PDZRN4: variants seen among roughly 807,000 people sequenced by gnomAD.
The protein encoded by PDZRN4 is PDZ domain containing ring finger 4, also known as PDZ domain-containing RING finger protein 4.
In PDZRN4, 70 loss-of-function variants were observed where a neutral mutation model predicts 99.0. The ratio of observed to expected loss-of-function variants is 0.71; its 90% CI spans 0.58 to 0.86. The LOEUF is 0.86. PDZRN4 is among the 40% of genes least tolerant of loss of function. PDZRN4 has a pLI of 0.00. For missense variants in PDZRN4, 1,474 were observed against 1,331.2 expected (o/e 1.11, Z -1.67); for synonymous variants, 551 against 501.6 (o/e 1.10, Z -1.32).
chr12:41,303,356 G>A (rs766101544), intron 3 of PDZRN4, among the ~76,000 whole-genome samples: 1 of 152,170 alleles, frequency 6.6e-6, no homozygotes, highest in South Asian at 2.1e-4. Context: ...CTAGCCTGTG[G>A]TTTGATCACA....
intron 3 of PDZRN4, among the ~76,000 whole-genome samples, chr12:41,288,016 G>A (rs1291054019): frequency 6.6e-6 from 1 of 152,164 alleles, no homozygotes; most frequent in East Asian, 1.9e-4. Context: ...ACAGCTGTCA[G>A]CAATAATACT....
chr12:41,399,172 T>C (rs2121136801), intron 3 of PDZRN4, among the ~76,000 whole-genome samples: 1 of 152,238 alleles, frequency 6.6e-6, no homozygotes, highest in South Asian at 2.1e-4. Flanking sequence ...AATTCATTAA[T>C]TATTTTTAAT....
At chr12:41,343,698 G>A (rs549217492) in intron 3 of PDZRN4, among the ~76,000 whole-genome samples, 19 of 148,170 alleles carry the variant, frequency 1.3e-4, no homozygotes, top group Non-Finnish European at 2.7e-4. Context: ...TTATCAGTAA[G>A]TATTGTATAT....
chr12:41,189,677 A>G (rs537068044), intron 1 of PDZRN4, among the ~76,000 whole-genome samples: 1 of 152,308 alleles, frequency 6.6e-6, no homozygotes, highest in Non-Finnish European at 1.5e-5. Context: ...GGACAGCCTC[A>G]GGAGTTGAGA....
chr12:41,284,084 T>C (rs1283025393), intron 3 of PDZRN4, among the ~76,000 whole-genome samples: 1 of 152,198 alleles, frequency 6.6e-6, no homozygotes, highest in Admixed American at 6.5e-5. Context: ...TGTTTGCAGA[T>C]GACATGATTG....
At chr12:41,554,856 G>A (rs568658795) in intron 6 of PDZRN4, among the ~76,000 whole-genome samples, 1 of 151,820 alleles carries the variant, frequency 6.6e-6, no homozygotes, top group African/African-American at 2.4e-5. Context: ...GAGCAATATA[G>A]GTTGTAAATG....
intron 5 of PDZRN4, among the ~76,000 whole-genome samples, chr12:41,510,739 C>G (rs1938290098): frequency 6.6e-6 from 1 of 152,082 alleles, no homozygotes; most frequent in South Asian, 2.1e-4. Context: ...CCAGGAAATC[C>G]TGAAATCTCT....
chr12:41,392,478 A>G (rs1003471139), intron 3 of PDZRN4, among the ~76,000 whole-genome samples: 3 of 152,172 alleles, frequency 2.0e-5, no homozygotes, highest in Non-Finnish European at 2.9e-5. Context: ...TAGCTTGCCA[A>G]TGGTTCACAA....
chr12:41,306,587 T>C (rs369904965), intron 3 of PDZRN4, among the ~76,000 whole-genome samples: 5 of 152,334 alleles, frequency 3.3e-5, no homozygotes, highest in African/African-American at 9.6e-5. Context: ...ACAACCTTAC[T>C]GTTCTTTTCT....
At chr12:41,467,847 C>T (rs1239478854) in intron 3 of PDZRN4, among the ~76,000 whole-genome samples, 2 of 152,168 alleles carry the variant, frequency 1.3e-5, no homozygotes, top group Non-Finnish European at 2.9e-5. Context: ...ATGAATCATT[C>T]ATAATTCATG....
intron 3 of PDZRN4, among the ~76,000 whole-genome samples, chr12:41,228,948 A>G (rs1951012811): frequency 6.6e-6 from 1 of 152,016 alleles, no homozygotes; most frequent in African/African-American, 2.4e-5. Context: ...ATCAGCCTGG[A>G]TGGGATTTAA....
chr12:41,485,920 T>A (rs948975824), intron 3 of PDZRN4, among the ~76,000 whole-genome samples: 14 of 152,060 alleles, frequency 9.2e-5, no homozygotes, highest in African/African-American at 3.1e-4. Context: ...TTAAAAAATT[T>A]AACACTTACT....
Position 41,563,528 on chromosome 12 carries a change from C to T in PDZRN4, c.1366-20C>T. ...ATTGTGGAAATGGAAACTAATGTGC[C>T]ACTCTCATTTGTTTTCTAGATAAAT... On this transcript the variant is annotated intron_variant, in intron 7 of 9. Transcript: ENST00000402685. The T allele has an allele frequency of 6.5e-7, 1 of 1,529,304 alleles. No homozygotes were observed. Among genetic ancestry groups the T allele is most frequent in the Non-Finnish European group, 9.1e-7 (1 of 1,102,964 alleles). The allele number at this position is 1,529,304 out of a possible 1,614,324, so 94.7% of individuals were successfully genotyped here.
At chr12:41,467,413 A>G (rs1952938139) in intron 3 of PDZRN4, among the ~76,000 whole-genome samples, 1 of 152,222 alleles carries the variant, frequency 6.6e-6, no homozygotes. Flanking sequence ...GAAATGATTC[A>G]CAATTGAACT....
At chr12:41,251,353 A>G (rs1951168650) in intron 3 of PDZRN4, among the ~76,000 whole-genome samples, 1 of 152,110 alleles carries the variant, frequency 6.6e-6, no homozygotes, top group South Asian at 2.1e-4. Flanking sequence ...TCTTCAACAT[A>G]TTCTCATCTC....
At position 41,573,533 on chromosome 12, in the gene PDZRN4, C is replaced by G. The variant is rs1228774664; in HGVS notation, c.2754C>G (p.Ile918Met). 6.2e-7 allele frequency: 1 copy of G among 1,613,928 alleles called. No homozygotes were observed. The highest frequency in any genetic ancestry group is 8.5e-7 in the Non-Finnish European group (1 of 1,179,988). Residue 918 changes from isoleucine (I) to methionine (M), a missense_variant, in exon 10 of 10, where the codon ATC becomes ATG. Physicochemically the swap from Ile to Met is conservative, Grantham distance 10. Transcript: ENST00000402685. ...DRILKERALKIKEERSGMTTD... is the reference protein window; with the variant it reads ...DRILKERALKMKEERSGMTTD... ...TCCTGAAGGAACGTGCCTTAAAGAT[C>G]AAGGAAGAGCGGAGTGGCATGACCA...
intron 3 of PDZRN4, among the ~76,000 whole-genome samples, chr12:41,299,612 C>A (rs1378041373): frequency 6.6e-6 from 1 of 151,828 alleles, no homozygotes; most frequent in Non-Finnish European, 1.5e-5. Context: ...GCTCGTTCTT[C>A]TAGAGTAAAA....
At chr12:41,503,304 T>C (rs1293553872) in intron 3 of PDZRN4, among the ~76,000 whole-genome samples, 1 of 152,118 alleles carries the variant, frequency 6.6e-6, no homozygotes, top group Non-Finnish European at 1.5e-5. Context: ...AAGTAAGATC[T>C]TGAGATTACA....
At chr12:41,449,981 C>T (rs1205687762) in intron 3 of PDZRN4, among the ~76,000 whole-genome samples, 1 of 151,988 alleles carries the variant, frequency 6.6e-6, no homozygotes, top group African/African-American at 2.4e-5. Context: ...TGGAAATTGC[C>T]TAAATTTTAT....
Sources: allele counts gnomAD v4.1 joint callset (sites outside exome capture counted in the v4.1 genomes callset), GRCh38; gene constraint gnomAD v4.1.1; transcripts MANE v1.5; gene names NCBI Gene and HGNC (gene_info 2026-07-23, HGNC 2026-07-21).